Variants in CACNA2D3 observed in about 807,000 individuals in gnomAD.
The protein encoded by CACNA2D3 is calcium voltage-gated channel auxiliary subunit alpha2delta 3.
CACNA2D3 carries 60 observed loss-of-function variants against 160.6 expected under a neutral mutation model. The ratio of observed to expected loss-of-function variants is 0.37; its 90% CI spans 0.30 to 0.46. The LOEUF (loss-of-function observed/expected upper bound fraction) is 0.46, where lower values mean the gene tolerates loss of function less well. Among genes scored for constraint, CACNA2D3 ranks in the 20% least tolerant of loss-of-function variants. CACNA2D3 has a pLI of 1.00. For missense variants in CACNA2D3, 1,205 were observed against 1,365.0 expected (o/e 0.88, Z 1.85); for synonymous variants, 558 against 492.9 (o/e 1.13, Z -1.75).
At chr3:54,705,892 ACT>A (rs2307889) in intron 11 of CACNA2D3, among the ~76,000 whole-genome samples, 53,346 of 151,846 alleles carry the variant, frequency 0.35, 10,347 homozygotes, top group East Asian at 0.49. Flanking sequence ...AGTGATACTG[ACT>A]CTCATGCCTC....
At chr3:54,874,021 G>A (rs115386809) in intron 18 of CACNA2D3, among the ~76,000 whole-genome samples, 1 of 152,288 alleles carries the variant, frequency 6.6e-6, no homozygotes, top group Non-Finnish European at 1.5e-5. Context: ...AGCCCACTGA[G>A]GAAGAAGCAG....
intron 27 of CACNA2D3, among the ~76,000 whole-genome samples, chr3:54,956,455 C>G (rs1348233684): frequency 6.6e-6 from 1 of 152,176 alleles, no homozygotes; most frequent in Non-Finnish European, 1.5e-5. Context: ...CTTTTAAAGG[C>G]CAGGAAATGC....
chr3:54,681,382 C>CAAAAAAAAAAAAA (rs565556596), intron 11 of CACNA2D3, among the ~76,000 whole-genome samples: 7 of 62,100 alleles, frequency 1.1e-4, no homozygotes, highest in Non-Finnish European at 1.7e-4. Flanking sequence ...ACTAAAAATA[C>CAAAAAAAAAAAAA]AAAAAAAAAA....
chr3:55,058,899 G>A (rs925833196), intron 35 of CACNA2D3, among the ~76,000 whole-genome samples: 1 of 151,936 alleles, frequency 6.6e-6, no homozygotes, highest in African/African-American at 2.4e-5. Context: ...TAAGTAGAAG[G>A]ATTTAAACGG....
intron 2 of CACNA2D3, among the ~76,000 whole-genome samples, chr3:54,291,413 G>A (rs1703201195): frequency 6.6e-6 from 1 of 152,120 alleles, no homozygotes; most frequent in African/African-American, 2.4e-5. Context: ...TTCTTGAAAT[G>A]CATCATCTTT....
chr3:54,992,798 A>G (rs1702771135), intron 31 of CACNA2D3, among the ~76,000 whole-genome samples: 1 of 152,060 alleles, frequency 6.6e-6, no homozygotes, highest in African/African-American at 2.4e-5. Flanking sequence ...AAAAAAAGAA[A>G]AAAGCAGTAC....
chr3:54,290,002 G>A (rs1242184556), intron 2 of CACNA2D3, among the ~76,000 whole-genome samples: 1 of 151,298 alleles, frequency 6.6e-6, no homozygotes. Flanking sequence ...GCATGGGCAA[G>A]GACTTCATGT....
intron 3 of CACNA2D3, among the ~76,000 whole-genome samples, chr3:54,341,537 G>A (rs1460539356): frequency 6.6e-6 from 1 of 152,220 alleles, no homozygotes; most frequent in African/African-American, 2.4e-5. Context: ...CTGGCATCTG[G>A]TGTACATAGG....
intron 11 of CACNA2D3, among the ~76,000 whole-genome samples, chr3:54,725,919 C>A (rs1701266725): frequency 6.6e-6 from 1 of 152,236 alleles, no homozygotes; most frequent in South Asian, 2.1e-4. Flanking sequence ...CTAGGGCAAT[C>A]AGGCAAGGGA....
chr3:54,774,930 G>A (rs751341969), intron 13 of CACNA2D3, among the ~76,000 whole-genome samples: 3 of 152,132 alleles, frequency 2.0e-5, no homozygotes, highest in South Asian at 2.1e-4. Context: ...CACCACGCCC[G>A]GCCACTGTTC....
chr3:54,966,968 G>C (rs1010082315), intron 27 of CACNA2D3: 1 of 152,204 alleles, frequency 6.6e-6, no homozygotes, highest in African/African-American at 2.4e-5. Flanking sequence ...CTGGAGGCAG[G>C]GGTCCAGCAG....
At chr3:54,304,033 A>G (rs530683138) in intron 2 of CACNA2D3, among the ~76,000 whole-genome samples, 7 of 152,156 alleles carry the variant, frequency 4.6e-5, no homozygotes, top group African/African-American at 1.7e-4. Flanking sequence ...AGTTTTTCTC[A>G]ACCTCTGGAC....
At chr3:54,629,344 C>G (rs568423560) in intron 10 of CACNA2D3, among the ~76,000 whole-genome samples, 10 of 152,218 alleles carry the variant, frequency 6.6e-5, no homozygotes, top group Non-Finnish European at 1.2e-4. Flanking sequence ...CAAAACTTGA[C>G]TTTTTACTAC....
intron 27 of CACNA2D3, among the ~76,000 whole-genome samples, chr3:54,940,619 A>G (rs78168396): frequency 0.023 from 3,454 of 152,292 alleles, 132 homozygotes; most frequent in African/African-American, 0.076. Context: ...AACTGTCACT[A>G]TTGGAAGTGA....
At chr3:54,432,370 T>G (rs983951841) in intron 4 of CACNA2D3, among the ~76,000 whole-genome samples, 5 of 152,220 alleles carry the variant, frequency 3.3e-5, no homozygotes, top group Admixed American at 1.3e-4. Context: ...TGTTTTCAGA[T>G]GGTGTTATCA....
At chr3:54,383,799 A>G (rs561563264) in intron 3 of CACNA2D3, among the ~76,000 whole-genome samples, 1 of 152,222 alleles carries the variant, frequency 6.6e-6, no homozygotes, top group Non-Finnish European at 1.5e-5. Flanking sequence ...CACAGAATGC[A>G]GTGTTCTGGC....
intron 14 of CACNA2D3, among the ~76,000 whole-genome samples, chr3:54,819,389 A>G (rs1465226649): frequency 6.6e-6 from 1 of 152,136 alleles, no homozygotes; most frequent in African/African-American, 2.4e-5. Flanking sequence ...ACTTGGCTTG[A>G]CTTGACCCCT....
At chr3:54,995,278 A>C (rs996336287) in intron 31 of CACNA2D3, among the ~76,000 whole-genome samples, 2 of 152,136 alleles carry the variant, frequency 1.3e-5, no homozygotes, top group Non-Finnish European at 2.9e-5. Flanking sequence ...CTGGCCAAAG[A>C]AAGTTTTTTA....
intron 1 of CACNA2D3, 98 bp downstream of exon 1, chr3:54,122,933 C>A: frequency 9.1e-7 from 1 of 1,101,872 alleles, no homozygotes; most frequent in Non-Finnish European, 1.1e-6. Flanking sequence ...TGGGCAGGAC[C>A]CGCCGCGGGC....
Sources: gnomAD v4.1 joint callset for allele counts (sites outside exome capture counted in the v4.1 genomes callset) on GRCh38, gnomAD v4.1.1 for gene constraint, MANE v1.5 for transcripts, NCBI Gene and HGNC (gene_info 2026-07-23, HGNC 2026-07-21) for gene names.